The following MAGI2 variants were observed in gnomAD, a reference collection of about 807,000 sequenced individuals.
MAGI2 encodes membrane-associated guanylate kinase, WW and PDZ domain-containing protein 2.
A neutral mutation model predicts 133.3 loss-of-function variants in MAGI2; 35 were observed. The ratio of observed to expected loss-of-function variants is 0.26; its 90% confidence interval spans 0.20 to 0.35. MAGI2 has a LOEUF of 0.35. Ranked by LOEUF, MAGI2 falls within the 10% of genes least tolerant of loss-of-function variation. The probability of loss-of-function intolerance (pLI) is 1.00; values close to 1 mark genes in which losing one functional copy is unlikely to be tolerated. For synonymous variants in MAGI2, 729 were observed against 710.6 expected, an observed-to-expected ratio of 1.03 and a Z score of -0.41; for missense variants, 1,636 against 1,863.4, an observed-to-expected ratio of 0.88 and a Z score of 2.25.
intron 10 of MAGI2, chr7:78,252,306 T>C (rs927784384): frequency 6.6e-6 from 1 of 152,102 alleles, no homozygotes; most frequent in Non-Finnish European, 1.5e-5. Flanking sequence ...GGTGTGGTAG[T>C]AGCACAAGAA....
At chr7:78,700,863 G>A (rs1461761714) in intron 2 of MAGI2, among the ~76,000 whole-genome samples, 1 of 150,792 alleles carries the variant, frequency 6.6e-6, no homozygotes, top group Non-Finnish European at 1.5e-5. Flanking sequence ...CTGTCAAATG[G>A]GCATAATTTT....
At chr7:78,478,890 C>T (rs1792062072) in intron 6 of MAGI2, among the ~76,000 whole-genome samples, 1 of 151,946 alleles carries the variant, frequency 6.6e-6, no homozygotes, top group Admixed American at 6.6e-5. Flanking sequence ...CCTACTCTCC[C>T]TGGCCGAAGG....
intron 2 of MAGI2, among the ~76,000 whole-genome samples, chr7:78,807,542 G>A (rs1023857250): frequency 2.6e-5 from 4 of 152,014 alleles, no homozygotes; most frequent in Non-Finnish European, 5.9e-5. Flanking sequence ...AGTGAAAAGG[G>A]CAAACAACTT....
chr7:79,221,718 C>A (rs1464282962), intron 1 of MAGI2, among the ~76,000 whole-genome samples: 2 of 151,752 alleles, frequency 1.3e-5, no homozygotes, highest in African/African-American at 4.9e-5. Flanking sequence ...GTTTAATGCA[C>A]AATGTTTTAT....
At chr7:79,042,947 ATC>A (rs1456480626) in intron 1 of MAGI2, among the ~76,000 whole-genome samples, 1 of 152,112 alleles carries the variant, frequency 6.6e-6, no homozygotes, top group Non-Finnish European at 1.5e-5. Context: ...AAACTATACA[ATC>A]ATGGAAATTA....
intron 7 of MAGI2, among the ~76,000 whole-genome samples, chr7:78,360,050 A>C (rs778956490): frequency 3.3e-5 from 5 of 152,230 alleles, no homozygotes; most frequent in Non-Finnish European, 7.3e-5. Context: ...TATAGTTCTC[A>C]TGTGGGGATG....
At chr7:78,019,998 G>A (rs771365639) in intron 21 of MAGI2, 22 bp from the exon 22 acceptor site, 19 of 1,578,454 alleles carry the variant, frequency 1.2e-5, no homozygotes, top group African/African-American at 2.7e-5. Flanking sequence ...AAGCACAGGC[G>A]TTAGCAGTGG....
At position 78,201,145 on chromosome 7, in the gene MAGI2, T is replaced by C. The variant is rs768615128; in HGVS notation, c.2079+17A>G. 2 of 1,464,220 alleles carry C rather than the reference T, an allele frequency of 1.4e-6. No homozygotes were observed. The highest frequency in any genetic ancestry group is 2.7e-5 in the Admixed American group (1 of 37,246). 90.7% of individuals were successfully genotyped at this position (1,464,220 alleles called of 1,614,324 possible). A position where few individuals can be genotyped will look rare whatever the true frequency, so the allele number is the denominator to read the frequency against. On this transcript the variant is annotated intron_variant, in intron 11 of 21. Coordinates refer to ENST00000354212, the MANE Select transcript of MAGI2 (RefSeq NM_012301.4). ...GTAAGTAGAAATAAAGAAAGAAGCA[T>C]AATAATTCCAACTTACAGGCTTTGG...
At chr7:78,629,069 C>T (rs1808679435) in intron 2 of MAGI2, among the ~76,000 whole-genome samples, 1 of 152,056 alleles carries the variant, frequency 6.6e-6, no homozygotes, top group Non-Finnish European at 1.5e-5. Context: ...AGATTGAGGG[C>T]AATTTCCAGG....
chr7:78,900,663 T>C (rs570719252), intron 2 of MAGI2, among the ~76,000 whole-genome samples: 9 of 152,308 alleles, frequency 5.9e-5, no homozygotes, highest in African/African-American at 1.9e-4. Flanking sequence ...GTTGTCACTC[T>C]TCATTCGTTT....
intron 6 of MAGI2, among the ~76,000 whole-genome samples, chr7:78,432,990 A>C (rs191196302): frequency 6.6e-6 from 1 of 152,176 alleles, no homozygotes; most frequent in East Asian, 1.9e-4. Context: ...TATGTATAAA[A>C]TAACCTGGGT....
chr7:78,199,852 G>A (rs1403141704), intron 11 of MAGI2, among the ~76,000 whole-genome samples: 1 of 152,190 alleles, frequency 6.6e-6, no homozygotes, highest in Non-Finnish European at 1.5e-5. Flanking sequence ...TATACCAAAT[G>A]ACATAATTTT....
intron 2 of MAGI2, among the ~76,000 whole-genome samples, chr7:78,729,525 C>T (rs1821163635): frequency 6.6e-6 from 1 of 152,182 alleles, no homozygotes; most frequent in Non-Finnish European, 1.5e-5. Context: ...CAGAGAATTA[C>T]AGTCTCATTC....
intron 1 of MAGI2, among the ~76,000 whole-genome samples, chr7:79,419,485 A>C (rs1209625008): frequency 6.6e-6 from 1 of 152,036 alleles, no homozygotes; most frequent in Non-Finnish European, 1.5e-5. Context: ...AGAAGTACTT[A>C]AGTAGGGACA....
chr7:78,039,751 T>C (rs1036133824), intron 21 of MAGI2: 4 of 152,216 alleles, frequency 2.6e-5, no homozygotes, highest in South Asian at 2.1e-4. Flanking sequence ...CATGATCTGA[T>C]TGAGTCGTTT....
intron 9 of MAGI2, among the ~76,000 whole-genome samples, chr7:78,281,712 CTG>C (rs1343965285): frequency 9.1e-6 from 1 of 110,094 alleles, no homozygotes; most frequent in Non-Finnish European, 2.1e-5. Context: ...AACTCACTCT[CTG>C]TATTCAGAAA....
chr7:78,857,441 T>A (rs560348482), intron 2 of MAGI2, among the ~76,000 whole-genome samples: 12 of 152,204 alleles, frequency 7.9e-5, no homozygotes, highest in Non-Finnish European at 1.6e-4. Context: ...ATACCTAATT[T>A]ATTGAGAGTT....
intron 9 of MAGI2, among the ~76,000 whole-genome samples, chr7:78,335,815 A>G (rs1165020513): frequency 6.6e-6 from 1 of 152,234 alleles, no homozygotes; most frequent in Admixed American, 6.5e-5. Flanking sequence ...ATGGGAAACA[A>G]TATATTTATG....
chr7:79,115,878 T>G (rs1224175231), intron 1 of MAGI2, among the ~76,000 whole-genome samples: 16 of 149,834 alleles, frequency 1.1e-4, no homozygotes, highest in Non-Finnish European at 2.4e-4. Context: ...TTTTTTTTTT[T>G]TTTTAAAGAA....
Sources: gnomAD v4.1 joint callset for allele counts (sites outside exome capture counted in the v4.1 genomes callset) on GRCh38, gnomAD v4.1.1 for gene constraint, MANE v1.5 for transcripts, NCBI Gene and HGNC (gene_info 2026-07-23, HGNC 2026-07-21) for gene names.